Variants in HYAL1 observed in about 807,000 individuals in gnomAD.
HYAL1 encodes the protein hyaluronidase 1.
HYAL1 carries 21 observed loss-of-function variants against 28.8 expected under a neutral mutation model. The ratio of observed to expected loss-of-function variants is 0.73; its 90% CI spans 0.52 to 1.05. The LOEUF is 1.05. HYAL1 is among the 50% of genes least tolerant of loss of function. HYAL1 has a pLI of 0.00. For missense variants in HYAL1, 491 were observed against 579.2 expected (o/e 0.85, Z 1.56); for synonymous variants, 200 against 230.1 (o/e 0.87, Z 1.18).
chr3:50,306,219 C>CTTTTTT (rs1173166946), upstream of HYAL1, among the ~76,000 whole-genome samples: 3 of 84,438 alleles, frequency 3.6e-5, no homozygotes, highest in East Asian at 4.5e-4. Context: ...CTGTACAACT[C>CTTTTTT]TTTTTTTTTT....
rs2109304533 is a variant in HYAL1 at position 50,301,097 on chromosome 3, G to A, written c.901-20C>T. ...CTCATCCTGGGAAGGAGACAGCACAGCTCTGTGGGGCCTCCTTCCCACCAT... is the reference window on the plus strand; with the variant it reads ...CTCATCCTGGGAAGGAGACAGCACAACTCTGTGGGGCCTCCTTCCCACCAT... On this transcript the variant is annotated intron_variant, in intron 2 of 3. Transcript: ENST00000395144. 1 of 1,520,024 alleles carries A rather than the reference G, an allele frequency of 6.6e-7. No individual in the cohort carries two copies. The highest frequency in any genetic ancestry group is 9.1e-7 in the Non-Finnish European group (1 of 1,095,384). 94.2% of individuals were successfully genotyped at this position (1,520,024 alleles called of 1,614,324 possible). A position where few individuals can be genotyped will look rare whatever the true frequency, so the allele number is the denominator to read the frequency against.
chr3:50,311,424 C>T (rs1404857924), intron 1 of HYAL1, among the ~76,000 whole-genome samples: 6 of 135,962 alleles, frequency 4.4e-5, no homozygotes, highest in Admixed American at 1.5e-4. Context: ...CCGGATGGGG[C>T]GGCTGGCCAG....
At chr3:50,301,126 G>C (rs782761592) in intron 2 of HYAL1, 49 bp from the exon 3 acceptor site, 32 of 1,238,408 alleles carry the variant, frequency 2.6e-5, no homozygotes, top group Admixed American at 1.7e-4. Context: ...CCACCATGTG[G>C]CAGACTGCTG....
At chr3:50,308,030 C>T (rs1456638335), upstream of HYAL1, among the ~76,000 whole-genome samples, 4 of 151,084 alleles carry the variant, frequency 2.6e-5, 1 homozygote, top group East Asian at 1.9e-4. Flanking sequence ...CTCCTGACCT[C>T]GTGATCCACC....
upstream of HYAL1, among the ~76,000 whole-genome samples, chr3:50,304,306 T>A (rs1237663309): frequency 0.073 from 1,970 of 27,068 alleles, 25 homozygotes; most frequent in Non-Finnish European, 0.082. Context: ...AATATATATA[T>A]ATATATATAT....
chr3:50,311,081 T>C (rs1245409865), intron 1 of HYAL1, among the ~76,000 whole-genome samples: 6 of 152,068 alleles, frequency 3.9e-5, no homozygotes, highest in African/African-American at 9.7e-5. Context: ...AAAACCGCCA[T>C]TGTCATCATG....
intron 2 of HYAL1, among the ~76,000 whole-genome samples, chr3:50,309,261 C>T (rs587636306): frequency 1.0e-4 from 15 of 150,290 alleles, no homozygotes; most frequent in African/African-American, 2.7e-4. Flanking sequence ...GTTGTGAGTT[C>T]GAGACCAGCC....
upstream of HYAL1, among the ~76,000 whole-genome samples, chr3:50,305,150 C>T (rs1702309767): frequency 6.6e-6 from 1 of 152,242 alleles, no homozygotes; most frequent in African/African-American, 2.4e-5. Context: ...AACCATCTGT[C>T]TGTCACCTGC....
At chr3:50,303,863 G>A (rs1314931689), upstream of HYAL1, 1 of 152,230 alleles carries the variant, frequency 6.6e-6, no homozygotes, top group Non-Finnish European at 1.5e-5. Context: ...GGGTTCTTTC[G>A]TGTCTTGTGC....
chr3:50,305,240 T>G (rs901873149), upstream of HYAL1, among the ~76,000 whole-genome samples: 6 of 151,586 alleles, frequency 4.0e-5, no homozygotes, highest in Admixed American at 3.9e-4. Flanking sequence ...GTACTTCTGT[T>G]TTTTTTTTAT....
In HYAL1 at chr3:50,302,942, C is replaced by T. The variant is rs1702232203; in HGVS notation, c.15G>A (p.Leu5=). Residue 5 remains leucine, a synonymous_variant, in exon 2 of 4, where the codon CTG becomes CTA. Coordinates refer to ENST00000395144, the MANE Select transcript of HYAL1 (RefSeq NM_033159.4). This position sits in a 1 kb window ranked among gnomAD's most constrained non-coding sequence, Gnocchi z 5.0. ...TCAGGAAGAGGGCGCAGATGGGAAG[C>T]AGGTGGGCTGCCATGGCACGGGACT... MAAH[L]LPICALFLTL... is the part of the protein sequence containing the mutation. 1.3e-6 allele frequency: 2 copies of T among 1,570,546 alleles called. No individual in the cohort carries two copies. Among genetic ancestry groups the T allele is most frequent in the African/African-American group, 1.4e-5 (1 of 73,994 alleles).
upstream of HYAL1, among the ~76,000 whole-genome samples, chr3:50,307,793 A>C (rs1389232834): frequency 6.7e-6 from 1 of 149,504 alleles, no homozygotes; most frequent in African/African-American, 2.5e-5. Context: ...CAAAAAACCC[A>C]AAAACTTTTT....
In HYAL1 at chr3:50,301,966, A is replaced by T. The variant is rs1361427420; in HGVS notation, c.900+91T>A. 23 of 1,342,984 alleles carry T rather than the reference A, an allele frequency of 1.7e-5. No homozygotes were observed. The Admixed American group carries it at 4.0e-4, about 23-fold the overall frequency. 83.2% of individuals were successfully genotyped at this position (1,342,984 alleles called of 1,614,324 possible). On this transcript the variant is annotated intron_variant, in intron 2 of 3. Transcript: ENST00000395144. ...ACTCTGTCTCAAAAAAAAAAAAACG[A>T]AGAAAATGTCCCAAAGCTAAAGTAC...
chr3:50,303,063 C>T (rs896389789), intron 1 of HYAL1, 83 bp from the exon 2 acceptor site: 8 of 1,055,098 alleles, frequency 7.6e-6, no homozygotes, highest in Admixed American at 2.8e-5. Context: ...TGAGCCCTTG[C>T]GCATTAATCC....
At chr3:50,301,675 G>A (rs369931938) in intron 2 of HYAL1, among the ~76,000 whole-genome samples, 13 of 146,694 alleles carry the variant, frequency 8.9e-5, no homozygotes, top group African/African-American at 2.3e-4. Context: ...GTTGGGGGCC[G>A]GGCGCGGTGG....
chr3:50,302,123 G>T lies in HYAL1; in HGVS notation c.834C>A (p.Asp278Glu), dbSNP rs782041421. The T allele has an allele frequency of 1.2e-6, 2 of 1,614,172 alleles. No individual in the cohort carries two copies. The highest frequency in any genetic ancestry group is 1.7e-6 in the Non-Finnish European group (2 of 1,180,034). The change falls in exon 2 of 4, where the codon GAC becomes GAA. Residue 278 changes from aspartate (D) to glutamate (E), a missense_variant. Coordinates refer to ENST00000395144, the MANE Select transcript of HYAL1 (RefSeq NM_033159.4). This position sits in a 1 kb window ranked among gnomAD's most constrained non-coding sequence, Gnocchi z 5.0. Reference sequence around the variant, plus strand: ...CATAGGGCAGCACCGGCAGATTGGGGTCACCAGCAGCCACAGCCACACGGA... The same window carrying T: ...CATAGGGCAGCACCGGCAGATTGGGTTCACCAGCAGCCACAGCCACACGGA... ...EAFRVAVAAG[D>E]PNLPVLPYVQ...
Position 50,301,044 on chromosome 3 carries a change from C to T in HYAL1, c.934G>A (p.Ala312Thr). Residue 312 changes from alanine to threonine, a missense_variant, in exon 3 of 4, where the codon GCC becomes ACC. Transcript: ENST00000395144. ...ELEHSLGESA[A>T]QGAAGVVLWV... is the part of the protein sequence containing the mutation. ...AGCACCACTCCAGCTGCCCCCTGGG[C>T]CGCACTCTCCCCCAGGCTGTGCTCC... The T allele has an allele frequency of 1.2e-6, 2 of 1,612,844 alleles. No individual in the cohort carries two copies. The highest frequency in any genetic ancestry group is 2.2e-5 in the East Asian group (1 of 44,798).
chr3:50,312,009 C>T (rs1412820081), intron 1 of HYAL1, among the ~76,000 whole-genome samples: 1 of 138,538 alleles, frequency 7.2e-6, no homozygotes, highest in Non-Finnish European at 1.6e-5. Flanking sequence ...GGCGGCTGGC[C>T]GGGTGGGAGG....
chr3:50,303,990 C>G (rs1262085247), upstream of HYAL1: 1 of 152,048 alleles, frequency 6.6e-6, no homozygotes, highest in African/African-American at 2.4e-5. Context: ...CCAGGCATGC[C>G]AGGTGCGGAG....
Sources: gnomAD v4.1 joint callset for allele counts (sites outside exome capture counted in the v4.1 genomes callset) on GRCh38, gnomAD v4.1.1 for gene constraint, Gnocchi (gnomAD v3.1) non-coding constraint, MANE v1.5 for transcripts, NCBI Gene and HGNC (gene_info 2026-07-23, HGNC 2026-07-21) for gene names.